PTCHD1: variants seen among roughly 807,000 people sequenced by gnomAD.
The protein encoded by PTCHD1 is patched domain-containing protein 1.
In PTCHD1, 3 loss-of-function variants were observed where a neutral mutation model predicts 34.6. The ratio of observed to expected loss-of-function variants is 0.09; its 90% CI spans 0.04 to 0.22. The LOEUF (loss-of-function observed/expected upper bound fraction) is 0.22. Among genes scored for constraint, PTCHD1 ranks in the 10% least tolerant of loss-of-function variants. The pLI, the probability that PTCHD1 is intolerant of heterozygous loss-of-function variation, is 1.00. For synonymous variants in PTCHD1, 305 were observed against 283.1 expected, an observed-to-expected ratio of 1.08 and a Z score of -0.77; for missense variants, 504 against 685.5, an observed-to-expected ratio of 0.74 and a Z score of 2.96.
rs1923149144 is a variant in PTCHD1, at chrX:23,402,534, T to A, written c.*8349T>A. ...AAGATAAAGATACAGAGCCTGAATC[T>A]ATGTTTTTCTGAATAAAGAGACCCC... On this transcript the variant is annotated 3_prime_UTR_variant, in exon 3 of 3. Transcript: ENST00000379361. The A allele has an allele frequency of 8.9e-6, 1 of 112,213 alleles. No homozygotes were observed. Among genetic ancestry groups the A allele is most frequent in the African/African-American group, 3.2e-5 (1 of 30,902 alleles). 9.2% of individuals were successfully genotyped at this position (112,213 alleles called of 1,213,427 possible).
At chrX:23,361,056 GCTTTA>G (rs1438268259) in intron 1 of PTCHD1, among the ~76,000 whole-genome samples, 3 of 111,975 alleles carry the variant, frequency 2.7e-5, no homozygotes, top group African/African-American at 9.8e-5. Flanking sequence ...GCTGAGGAGT[GCTTTA>G]CTTCCAACTA....
intron 1 of PTCHD1, chrX:23,351,549 C>A: frequency 6.8e-6 from 2 of 292,910 alleles, no homozygotes; most frequent in Non-Finnish European, 1.2e-5. Context: ...ATCATGAAAC[C>A]TAGGTTTAAA....
chrX:23,359,647 T>C (rs762084557), intron 1 of PTCHD1, among the ~76,000 whole-genome samples: 1 of 112,253 alleles, frequency 8.9e-6, no homozygotes, highest in East Asian at 2.8e-4. Flanking sequence ...TATTTCTTTC[T>C]CTTGCCTGAT....
chrX:23,392,328 C>T (rs981875998), intron 2 of PTCHD1, among the ~76,000 whole-genome samples: 1 of 110,246 alleles, frequency 9.1e-6, no homozygotes, highest in Non-Finnish European at 1.9e-5. Flanking sequence ...CTCTAGCTGC[C>T]CTTTCGTTAT....
Position 23,354,596 on chromosome X carries a change from G to A in PTCHD1, c.351+19370G>A, listed in dbSNP as rs1278799971. Among the ~76,000 whole-genome samples the A allele has an allele frequency of 3.2e-4, 31 of 96,626 alleles. No homozygotes were observed. In the South Asian group the frequency reaches 6.1e-3, roughly 19 times the overall value. The allele number at this position is 96,626 out of a possible 115,157, so 83.9% of individuals were successfully genotyped here. ...TTCTTTTTTTTTTTTTTTTTGAGAC[G>A]GAGTCTCGCTCTGTCTCCCAGGCTG... On this transcript the variant is annotated intron_variant, in intron 1 of 2. Transcript: ENST00000379361.
intron 1 of PTCHD1, among the ~76,000 whole-genome samples, chrX:23,339,539 A>G (rs185935765): frequency 8.9e-6 from 1 of 112,711 alleles, no homozygotes; most frequent in Non-Finnish European, 1.9e-5. Context: ...ATTAAGTTGC[A>G]AACAAGGTTA....
intron 2 of PTCHD1, among the ~76,000 whole-genome samples, chrX:23,389,553 G>A (rs1446310856): frequency 8.9e-6 from 1 of 112,049 alleles, no homozygotes; most frequent in African/African-American, 3.2e-5. Flanking sequence ...CTGCTCGAGA[G>A]GTGTGGCTTG....
intron 1 of PTCHD1, among the ~76,000 whole-genome samples, chrX:23,372,307 G>C (rs1465096712): frequency 9.1e-6 from 1 of 110,303 alleles, no homozygotes; most frequent in African/African-American, 3.3e-5. Context: ...AGAATCAAGA[G>C]CAAGACGAGC....
rs777301003 is a variant in PTCHD1, at chrX:23,370,583, C to T, written c.352-9008C>T. Among the ~76,000 whole-genome samples the T allele has an allele frequency of 4.5e-5, 5 of 111,465 alleles. No individual in the cohort carries two copies. In the East Asian group the frequency reaches 1.4e-3, roughly 31 times the overall value. ...CTCATCCTTGGTAAGGCTTATGGTC[C>T]ATCATTAAGGAGAGCTGTTACCATA... On this transcript the variant is annotated intron_variant, in intron 1 of 2. Coordinates refer to ENST00000379361, the MANE Select transcript of PTCHD1 (RefSeq NM_173495.3).
intron 1 of PTCHD1, among the ~76,000 whole-genome samples, chrX:23,377,466 ACACACTTT>A (rs780636292): frequency 1.8e-5 from 2 of 111,710 alleles, no homozygotes; most frequent in South Asian, 3.8e-4. Context: ...ATTGATAAAA[ACACACTTT>A]CACAGCTTAA....
chrX:23,339,307 T>C (rs1261386017), intron 1 of PTCHD1, among the ~76,000 whole-genome samples: 1 of 112,091 alleles, frequency 8.9e-6, no homozygotes, highest in Non-Finnish European at 1.9e-5. Flanking sequence ...ATAACCCCCG[T>C]AGTCATATCA....
At chrX:23,361,296 A>G (rs1329586703) in intron 1 of PTCHD1, among the ~76,000 whole-genome samples, 1 of 111,616 alleles carries the variant, frequency 9.0e-6, no homozygotes, top group African/African-American at 3.3e-5. Context: ...GTCTCTTTGT[A>G]GGTCTCTAAG....
Position 23,334,864 on chromosome X carries a change from C to A in PTCHD1, c.-12C>A. The A allele has an allele frequency of 8.6e-7, 1 of 1,161,443 alleles. No homozygotes were observed. The highest frequency in any genetic ancestry group is 2.0e-5 in the South Asian group (1 of 49,710). ...GCGCCTCGCCCTCCTCCCGCGCCCG[C>A]TCTGCTCTAGGATGCTGCGGCAGGT... On this transcript the variant is annotated 5_prime_UTR_variant, in exon 1 of 3. Coordinates refer to ENST00000379361, the MANE Select transcript of PTCHD1 (RefSeq NM_173495.3).
At chrX:23,355,060 A>C (rs111249123) in intron 1 of PTCHD1, among the ~76,000 whole-genome samples, 11,498 of 106,574 alleles carry the variant, frequency 0.11, 575 homozygotes, top group African/African-American at 0.15. Flanking sequence ...AAGCCAGCCA[A>C]TTGCTGCGAC....
chrX:23,388,228 G>A (rs1445675353), intron 2 of PTCHD1, among the ~76,000 whole-genome samples: 1 of 111,559 alleles, frequency 9.0e-6, no homozygotes, highest in Non-Finnish European at 1.9e-5. Flanking sequence ...GGGAGTCCTT[G>A]TGAACAGACT....
At chrX:23,358,197 A>T (rs1921863187) in intron 1 of PTCHD1, among the ~76,000 whole-genome samples, 1 of 111,977 alleles carries the variant, frequency 8.9e-6, no homozygotes, top group South Asian at 3.8e-4. Flanking sequence ...CTGGATCAAA[A>T]GGTATTTCTA....
In PTCHD1 at chrX:23,403,211, T is replaced by C. The variant is rs751648519; in HGVS notation, c.*9026T>C. 5.3e-4 allele frequency: 59 copies of C among 112,290 alleles called. No homozygotes were observed. Among genetic ancestry groups the C allele is most frequent in the South Asian group, 1.1e-3 (3 of 2,695 alleles). The allele number at this position is 112,290 out of a possible 1,213,427, so 9.3% of individuals were successfully genotyped here. A position where few individuals can be genotyped will look rare whatever the true frequency, so the allele number is the denominator to read the frequency against. On this transcript the variant is annotated 3_prime_UTR_variant, in exon 3 of 3. Coordinates refer to ENST00000379361, the MANE Select transcript of PTCHD1 (RefSeq NM_173495.3). ...AATTCAGTATTCAGAAACCTTATCA[T>C]CTGTTCCTCCAAAAAGACCCCATAG... is the stretch of plus-strand genomic sequence containing the variant.
chrX:23,368,449 T>G (rs1055129438), intron 1 of PTCHD1, among the ~76,000 whole-genome samples: 1 of 111,983 alleles, frequency 8.9e-6, no homozygotes, highest in Admixed American at 9.5e-5. Flanking sequence ...CGGAGAAATA[T>G]AAATCAGCAA....
rs752690653 is a variant in PTCHD1 at position 23,392,934 on chromosome X, C to T, written c.1416C>T (p.Gly472=). ...TARFSEDTAE[G]EEANTYESHL... is the part of the protein sequence containing the mutation. ...GATTCAGTGAGGACACAGCTGAAGG[C>T]GAGGAAGCGAACACTTACGAGAGTC... Residue 472 remains glycine, a synonymous_variant, in exon 3 of 3, where the codon GGC becomes GGT. Coordinates refer to ENST00000379361, the MANE Select transcript of PTCHD1 (RefSeq NM_173495.3). The T allele has an allele frequency of 7.4e-6, 9 of 1,210,812 alleles. No individual in the cohort carries two copies. Among genetic ancestry groups the T allele is most frequent in the South Asian group, 1.8e-5 (1 of 56,878 alleles).
Sources: gnomAD v4.1 joint callset for allele counts (sites outside exome capture counted in the v4.1 genomes callset) on GRCh38, gnomAD v4.1.1 for gene constraint, MANE v1.5 for transcripts, NCBI Gene and HGNC (gene_info 2026-07-23, HGNC 2026-07-21) for gene names.